NAV3: variants seen among roughly 807,000 people sequenced by gnomAD.
The protein encoded by NAV3 is pore membrane and/or filament interacting like protein 1.
Under a neutral mutation model 244.7 loss-of-function variants are expected in NAV3, and 87 were observed. The observed-to-expected ratio is 0.36, with a 90% CI of 0.30 to 0.42. The LOEUF (loss-of-function observed/expected upper bound fraction) is 0.42. Ranked by LOEUF, NAV3 falls within the 20% of genes least tolerant of loss-of-function variation. The pLI, the probability that NAV3 is intolerant of heterozygous loss-of-function variation, is 1.00. For synonymous variants in NAV3, 1,126 were observed against 1,042.2 expected (o/e 1.08, Z -1.55); for missense variants, 2,663 against 2,893.3 (o/e 0.92, Z 1.83).
At chr12:77,678,377 A>G (rs1874301504) in intron 2 of NAV3, among the ~76,000 whole-genome samples, 1 of 152,308 alleles carries the variant, frequency 6.6e-6, no homozygotes, top group East Asian at 1.9e-4. Context: ...TTACTAACGT[A>G]TTTTAATGGA....
chr12:77,888,531 T>C (rs1883563858), intron 1 of NAV3, among the ~76,000 whole-genome samples: 1 of 152,032 alleles, frequency 6.6e-6, no homozygotes, highest in Non-Finnish European at 1.5e-5. Flanking sequence ...TAATGGCTGA[T>C]TTTGTTTTTG....
rs564966641 is a variant in NAV3, at chr12:78,175,094, T to G, written c.4982-212T>G. The stretch of plus-strand genomic sequence containing the variant: ...GCCAGGGCTATGGACTTATATGAGA[T>G]TCTCATTAAATCTTAATGTAGATAA... On this transcript the variant is annotated intron_variant, in intron 24 of 39. Transcript: ENST00000397909. 2.0e-5 allele frequency among the ~76,000 whole-genome samples: 3 copies of G among 152,146 alleles called. No individual in the cohort carries two copies. The East Asian group carries it at 5.8e-4, about 29-fold the overall frequency.
chr12:77,676,115 C>T (rs1874193477), intron 2 of NAV3, among the ~76,000 whole-genome samples: 1 of 151,894 alleles, frequency 6.6e-6, no homozygotes, highest in Non-Finnish European at 1.5e-5. Flanking sequence ...TTCTAGGATA[C>T]ATGTGCTGAA....
chr12:77,861,880 C>T (rs1429184800), intron 1 of NAV3, among the ~76,000 whole-genome samples: 12 of 151,738 alleles, frequency 7.9e-5, no homozygotes, highest in Admixed American at 6.6e-4. Context: ...GTCCCTACTC[C>T]GCAATGCTAA....
chr12:77,979,203 C>T (rs2136244301), intron 5 of NAV3, among the ~76,000 whole-genome samples: 1 of 134,786 alleles, frequency 7.4e-6, no homozygotes, highest in South Asian at 2.5e-4. Flanking sequence ...GTGAGACCTA[C>T]TCTCTACAAA....
intron 1 of NAV3, among the ~76,000 whole-genome samples, chr12:77,866,471 ACT>A (rs1459366936): frequency 6.6e-6 from 1 of 152,282 alleles, no homozygotes; most frequent in East Asian, 1.9e-4. Context: ...GAATCAGAAG[ACT>A]CACATGATCC....
intron 2 of NAV3, 93 bp downstream of exon 2, chr12:77,940,529 C>G: frequency 1.2e-6 from 1 of 864,644 alleles, no homozygotes; most frequent in Non-Finnish European, 1.8e-6. Flanking sequence ...CTGAACTGGT[C>G]CATGTGTCTC....
chr12:77,902,987 T>C (rs945830842), intron 1 of NAV3, among the ~76,000 whole-genome samples: 1 of 151,972 alleles, frequency 6.6e-6, no homozygotes, highest in African/African-American at 2.4e-5. Flanking sequence ...CCCAATGAAA[T>C]AAAAGAGGAT....
intron 37 of NAV3, among the ~76,000 whole-genome samples, chr12:78,199,989 A>G (rs1015105534): frequency 6.6e-6 from 1 of 152,080 alleles, no homozygotes; most frequent in African/African-American, 2.4e-5. Flanking sequence ...AGTTTGCATA[A>G]AGATATTTAC....
chr12:78,011,876 G>A (rs1434901376), intron 8 of NAV3, among the ~76,000 whole-genome samples: 4 of 152,068 alleles, frequency 2.6e-5, no homozygotes, highest in Admixed American at 6.6e-5. Flanking sequence ...AGCAAGGCAC[G>A]TCTTACATGG....
At chr12:78,067,521 T>A (rs914111036) in intron 12 of NAV3, among the ~76,000 whole-genome samples, 1 of 152,108 alleles carries the variant, frequency 6.6e-6, no homozygotes, top group Non-Finnish European at 1.5e-5. Context: ...GTGCCCATTG[T>A]GAATAACCTC....
chr12:77,906,672 G>A (rs1366937207), intron 1 of NAV3, among the ~76,000 whole-genome samples: 1 of 152,072 alleles, frequency 6.6e-6, no homozygotes, highest in East Asian at 1.9e-4. Context: ...ATTTGGACAT[G>A]TTTCTTGATC....
intron 2 of NAV3, among the ~76,000 whole-genome samples, chr12:77,798,431 AAT>A (rs1871538205): frequency 6.6e-6 from 1 of 152,120 alleles, no homozygotes; most frequent in South Asian, 2.1e-4. Context: ...GGAATGCAAA[AAT>A]ATAAAATATA....
At chr12:78,000,535 A>G (rs1405477682) in intron 7 of NAV3, among the ~76,000 whole-genome samples, 15 of 117,494 alleles carry the variant, frequency 1.3e-4, no homozygotes, top group African/African-American at 2.4e-4. Flanking sequence ...ACGGAGTCTC[A>G]CTCTGTCGCC....
chr12:78,057,784 A>G (rs1883724525), intron 11 of NAV3, among the ~76,000 whole-genome samples: 1 of 152,202 alleles, frequency 6.6e-6, no homozygotes. Context: ...AGTAAGTAGC[A>G]GCACTGTAGT....
chr12:78,060,599 A>G (rs985147771), intron 12 of NAV3, among the ~76,000 whole-genome samples: 1 of 152,210 alleles, frequency 6.6e-6, no homozygotes. Context: ...ATTAATGAAT[A>G]TAGGCTATTT....
Position 77,900,757 on chromosome 12 carries a change from T to C in NAV3, c.244-39562T>C, listed in dbSNP as rs78936938. Among the ~76,000 whole-genome samples, 9 of 152,356 alleles carry C rather than the reference T, an allele frequency of 5.9e-5. No homozygotes were observed. The East Asian group carries it at 1.7e-3, about 29-fold the overall frequency. ...TAATGAGATTGCTGGGTCAAATAAATGGTAGTTCTCTTTTAAGTTCTTTGA... is the reference window on the plus strand; with the variant it reads ...TAATGAGATTGCTGGGTCAAATAAACGGTAGTTCTCTTTTAAGTTCTTTGA... On this transcript the variant is annotated intron_variant, in intron 1 of 39. Coordinates refer to ENST00000397909, the MANE Select transcript of NAV3 (RefSeq NM_001024383.2).
At chr12:78,067,438 C>G (rs559796526) in intron 12 of NAV3, among the ~76,000 whole-genome samples, 51 of 152,002 alleles carry the variant, frequency 3.4e-4, no homozygotes, top group Non-Finnish European at 5.4e-4. Flanking sequence ...TCTCAAATTC[C>G]CTTTGCCATT....
At chr12:77,735,572 G>A (rs2137364251) in intron 2 of NAV3, among the ~76,000 whole-genome samples, 1 of 152,148 alleles carries the variant, frequency 6.6e-6, no homozygotes, top group Non-Finnish European at 1.5e-5. Flanking sequence ...CTTTGGGGTA[G>A]TTGCTTTTCC....
Sources: allele counts gnomAD v4.1 joint callset (sites outside exome capture counted in the v4.1 genomes callset), GRCh38; gene constraint gnomAD v4.1.1; transcripts MANE v1.5; gene names NCBI Gene and HGNC (gene_info 2026-07-23, HGNC 2026-07-21).